SMCO2: variants seen among roughly 807,000 people sequenced by gnomAD.
SMCO2 encodes the protein single-pass membrane and coiled-coil domain-containing protein 2.
Under a neutral mutation model 29.5 loss-of-function variants are expected in SMCO2, and 25 were observed. That is an observed-to-expected ratio of 0.85 (90% CI 0.62 to 1.18). SMCO2 has a LOEUF of 1.18. SMCO2 is among the 50% of genes most tolerant of loss of function. The probability of loss-of-function intolerance (pLI) is 0.00; values close to 1 mark genes in which losing one functional copy is unlikely to be tolerated. For missense variants in SMCO2, 348 were observed against 344.5 expected (o/e 1.01, Z -0.08); for synonymous variants, 117 against 123.3 (o/e 0.95, Z 0.34).
At chr12:27,480,115 G>A (rs1949629023) in intron 4 of SMCO2, among the ~76,000 whole-genome samples, 1 of 152,202 alleles carries the variant, frequency 6.6e-6, no homozygotes, top group Non-Finnish European at 1.5e-5. Flanking sequence ...GAACCTGGAG[G>A]CTGATATCCA....
chr12:27,501,711 G>A lies in SMCO2; in HGVS notation c.684-212G>A, dbSNP rs1418895859. On this transcript the variant is annotated intron_variant, in intron 7 of 7. Coordinates refer to ENST00000298876, the Ensembl canonical transcript of SMCO2. Reference sequence around the variant, plus strand: ...CTATCCAGGGATTTTATTGTTTCATGGCTATAGGATCTTGAAATTCCAATG... The same window carrying A: ...CTATCCAGGGATTTTATTGTTTCATAGCTATAGGATCTTGAAATTCCAATG... Among the ~76,000 whole-genome samples the A allele has an allele frequency of 2.7e-5, 4 of 150,456 alleles. No individual in the cohort carries two copies. The East Asian group carries it at 5.8e-4, about 22-fold the overall frequency.
chr12:27,427,908 A>T, the SMCO2 span, among the ~76,000 whole-genome samples: 10 of 152,190 alleles, frequency 6.6e-5, no homozygotes, highest in Non-Finnish European at 1.3e-4. Context: ...TTTGTTAAAG[A>T]TACTTCGGCA....
chr12:27,492,549 C>T (rs979214774), intron 5 of SMCO2, among the ~76,000 whole-genome samples: 1 of 152,156 alleles, frequency 6.6e-6, no homozygotes, highest in South Asian at 2.1e-4. Context: ...CAAAAGAAGA[C>T]ATACATGCGG....
At chr12:27,463,217 G>A (rs1260173653), upstream of SMCO2, among the ~76,000 whole-genome samples, 6 of 152,152 alleles carry the variant, frequency 3.9e-5, no homozygotes, top group African/African-American at 9.7e-5. Flanking sequence ...GATTCTTCCC[G>A]TAGGCTGGGA....
chr12:27,465,970 C>T (rs757711759), upstream of SMCO2, among the ~76,000 whole-genome samples: 1 of 152,066 alleles, frequency 6.6e-6, no homozygotes, highest in Non-Finnish European at 1.5e-5. Context: ...CCATGGGTGC[C>T]GAGTTCACCA....
the SMCO2 span, among the ~76,000 whole-genome samples, chr12:27,425,618 T>G: frequency 0.054 from 8,201 of 152,252 alleles, 241 homozygotes; most frequent in Middle Eastern, 0.082. Flanking sequence ...CTCCGCATAA[T>G]GACACTCAGA....
intron 5 of SMCO2, among the ~76,000 whole-genome samples, chr12:27,493,406 C>A (rs1942953968): frequency 6.6e-6 from 1 of 152,112 alleles, no homozygotes; most frequent in Non-Finnish European, 1.5e-5. Flanking sequence ...GTGGCACATG[C>A]CTATAGTCCC....
At chr12:27,481,847 C>T (rs1395354944) in intron 4 of SMCO2, among the ~76,000 whole-genome samples, 1 of 152,146 alleles carries the variant, frequency 6.6e-6, no homozygotes, top group African/African-American at 2.4e-5. Flanking sequence ...TGTCTCCTCA[C>T]TTATTCCTGA....
chr12:27,481,254 A>G (rs1020689655), intron 4 of SMCO2, among the ~76,000 whole-genome samples: 2 of 152,106 alleles, frequency 1.3e-5, no homozygotes, highest in African/African-American at 4.8e-5. Flanking sequence ...CCCCTGACAA[A>G]CTTTGTCTGA....
At chr12:27,479,251 GCC>G in intron 4 of SMCO2, among the ~76,000 whole-genome samples, 1 of 152,086 alleles carries the variant, frequency 6.6e-6, no homozygotes, top group South Asian at 2.1e-4. Flanking sequence ...TGGATAGTGT[GCC>G]CTGGTGCCAA....
the SMCO2 span, chr12:27,424,313 T>G: frequency 6.6e-5 from 10 of 152,226 alleles, no homozygotes; most frequent in Admixed American, 2.6e-4. Context: ...ATAACAAGTC[T>G]CTATCCATGT....
chr12:27,491,540 A>C (rs1949735341), intron 5 of SMCO2, among the ~76,000 whole-genome samples: 1 of 152,180 alleles, frequency 6.6e-6, no homozygotes, highest in Non-Finnish European at 1.5e-5. Context: ...ATGATGAATA[A>C]ACGTGTTAAA....
At chr12:27,457,413 C>T in the SMCO2 span, among the ~76,000 whole-genome samples, 7 of 152,358 alleles carry the variant, frequency 4.6e-5, no homozygotes, top group East Asian at 7.7e-4. Context: ...TTGTCCCACT[C>T]ACAAAGTCTC....
At chr12:27,455,221 G>A in the SMCO2 span, among the ~76,000 whole-genome samples, 4 of 152,126 alleles carry the variant, frequency 2.6e-5, no homozygotes, top group African/African-American at 9.7e-5. Flanking sequence ...GGGGCATTTG[G>A]GAGAAGCACT....
chr12:27,494,417 A>G, intron 6 of SMCO2, 61 bp downstream of exon 7: 1 of 1,232,744 alleles, frequency 8.1e-7, no homozygotes, highest in Non-Finnish European at 1.1e-6. Context: ...GTCTAAATAC[A>G]GGGGTCATTC....
chr12:27,472,946 G>A (rs381905), intron 3 of SMCO2, 71 bp downstream of exon 3: 830,875 of 1,069,724 alleles, frequency 0.78, 324,200 homozygotes, highest in Middle Eastern at 0.89. Context: ...ACTTCACGCC[G>A]CATATCTTAA....
chr12:27,452,861 T>G, the SMCO2 span, among the ~76,000 whole-genome samples: 1 of 152,160 alleles, frequency 6.6e-6, no homozygotes, highest in African/African-American at 2.4e-5. Context: ...GTATGGTGGT[T>G]CTCTTTTCAG....
chr12:27,488,635 C>G (rs1240886019), intron 5 of SMCO2, 88 bp downstream of exon 6: 1 of 976,836 alleles, frequency 1.0e-6, no homozygotes, highest in Non-Finnish European at 1.4e-6. Flanking sequence ...TAGGCAATAA[C>G]AAGAAGTAAG....
the SMCO2 span, among the ~76,000 whole-genome samples, chr12:27,428,456 G>A: frequency 6.6e-6 from 1 of 152,090 alleles, no homozygotes; most frequent in African/African-American, 2.4e-5. Flanking sequence ...GAGTATGTGA[G>A]CCTCAATCTT....
Sources: gnomAD v4.1 joint callset for allele counts (sites outside exome capture counted in the v4.1 genomes callset) on GRCh38, gnomAD v4.1.1 for gene constraint, MANE v1.5 for transcripts, NCBI Gene and HGNC (gene_info 2026-07-23, HGNC 2026-07-21) for gene names.